The following DGKH variants were observed in gnomAD, a reference collection of about 807,000 sequenced individuals.
The protein encoded by DGKH is DAG kinase eta.
DGKH carries 90 observed loss-of-function variants against 159.3 expected under a neutral mutation model. The ratio of observed to expected loss-of-function variants is 0.57; its 90% confidence interval spans 0.48 to 0.67. The LOEUF (loss-of-function observed/expected upper bound fraction) is 0.67. DGKH is among the 30% of genes least tolerant of loss of function. DGKH has a pLI of 0.00. For synonymous variants in DGKH, 536 were observed against 553.8 expected, an observed-to-expected ratio of 0.97 and a Z score of 0.45; for missense variants, 1,181 against 1,506.1, an observed-to-expected ratio of 0.78 and a Z score of 3.57.
chr13:42,155,543 A>G, intron 4 of DGKH, 124 bp from the exon 5 acceptor site: 2 of 1,547,128 alleles, frequency 1.3e-6, no homozygotes, highest in Non-Finnish European at 1.8e-6. Flanking sequence ...CTTAAAGCAA[A>G]GTGCTTTGGT....
At chr13:42,160,524 C>G (rs1417382342) in intron 7 of DGKH, among the ~76,000 whole-genome samples, 4 of 152,186 alleles carry the variant, frequency 2.6e-5, no homozygotes, top group African/African-American at 9.7e-5. Context: ...TACCAGTGCT[C>G]TCTGACAGAG....
At chr13:42,216,419 TTGA>T (rs1027894101) in intron 26 of DGKH, among the ~76,000 whole-genome samples, 7 of 152,236 alleles carry the variant, frequency 4.6e-5, no homozygotes, top group Non-Finnish European at 1.0e-4. Flanking sequence ...TAATTGGTAG[TTGA>T]TGATCTTAAA....
intron 28 of DGKH, among the ~76,000 whole-genome samples, chr13:42,220,425 G>T (rs967514947): frequency 6.6e-6 from 1 of 152,128 alleles, no homozygotes; most frequent in Non-Finnish European, 1.5e-5. Context: ...TAAATGTACA[G>T]GTATGCTAGT....
intron 3 of DGKH, among the ~76,000 whole-genome samples, chr13:42,149,048 G>T (rs796663481): frequency 2.3e-4 from 34 of 149,288 alleles, no homozygotes; most frequent in African/African-American, 8.1e-4. Context: ...GGGCTCAGGT[G>T]ATCCTCCTGC....
chr13:42,249,366 A>G (rs927316524), intron 29 of DGKH, among the ~76,000 whole-genome samples: 1 of 152,192 alleles, frequency 6.6e-6, no homozygotes, highest in Admixed American at 6.5e-5. Context: ...AGCCAAGATC[A>G]TGCCACTGCA....
intron 29 of DGKH, among the ~76,000 whole-genome samples, chr13:42,227,944 C>A (rs932368924): frequency 7.9e-5 from 12 of 152,066 alleles, no homozygotes; most frequent in Admixed American, 2.6e-4. Flanking sequence ...TATTTTATAA[C>A]CCTGTTTTTT....
At chr13:42,177,041 TA>T (rs1044098653) in intron 12 of DGKH, among the ~76,000 whole-genome samples, 4 of 152,216 alleles carry the variant, frequency 2.6e-5, no homozygotes, top group African/African-American at 9.6e-5. Flanking sequence ...TCAGCATTTT[TA>T]AAAACTTTTT....
intron 3 of DGKH, among the ~76,000 whole-genome samples, chr13:42,139,975 A>G (rs561711810): frequency 6.8e-4 from 104 of 152,324 alleles, no homozygotes; most frequent in African/African-American, 2.4e-3. Context: ...CCCAGGTTAT[A>G]GGAAGGAGGG....
chr13:42,166,239 C>G (rs1388956238), intron 8 of DGKH, among the ~76,000 whole-genome samples: 1 of 152,090 alleles, frequency 6.6e-6, no homozygotes, highest in Non-Finnish European at 1.5e-5. Flanking sequence ...TCTCCCCCAA[C>G]CTAAGCCCTG....
intron 1 of DGKH, among the ~76,000 whole-genome samples, chr13:42,083,561 G>A (rs1188640827): frequency 6.6e-6 from 1 of 152,312 alleles, no homozygotes; most frequent in Non-Finnish European, 1.5e-5. Flanking sequence ...CGCTGTAGGC[G>A]TGGAAGTACC....
chr13:42,215,158 G>GT (rs201405435), intron 25 of DGKH, among the ~76,000 whole-genome samples: 39,608 of 147,284 alleles, frequency 0.27, 5,286 homozygotes, highest in African/African-American at 0.29. Context: ...AACTGATAGC[G>GT]TTTTTTTTTT....
At chr13:42,114,650 C>T (rs749877956) in intron 1 of DGKH, among the ~76,000 whole-genome samples, 7 of 152,090 alleles carry the variant, frequency 4.6e-5, no homozygotes, top group Non-Finnish European at 1.0e-4. Flanking sequence ...AAGATAAGAT[C>T]GGTGTTCTAA....
At chr13:42,083,158 G>C (rs1315062376) in intron 1 of DGKH, among the ~76,000 whole-genome samples, 2 of 152,238 alleles carry the variant, frequency 1.3e-5, no homozygotes, top group Non-Finnish European at 2.9e-5. Flanking sequence ...GATGTTTAAA[G>C]ATGACACTGT....
At chr13:42,135,104 A>G (rs1475031505) in intron 3 of DGKH, among the ~76,000 whole-genome samples, 1 of 152,190 alleles carries the variant, frequency 6.6e-6, no homozygotes, top group Admixed American at 6.5e-5. Flanking sequence ...AAAACTTACT[A>G]ACAATGAAAG....
chr13:42,193,845 A>T (rs1957143166), intron 16 of DGKH, among the ~76,000 whole-genome samples: 1 of 152,172 alleles, frequency 6.6e-6, no homozygotes, highest in Non-Finnish European at 1.5e-5. Flanking sequence ...TAAGTTTTAG[A>T]GTATTTTAAA....
chr13:42,218,194 A>G (rs1396506863), intron 26 of DGKH, among the ~76,000 whole-genome samples: 1 of 152,226 alleles, frequency 6.6e-6, no homozygotes, highest in Non-Finnish European at 1.5e-5. Context: ...AGGAATGTTT[A>G]TTTAATCTTT....
chr13:42,040,749 G>A (rs1227875953), intron 1 of DGKH, among the ~76,000 whole-genome samples: 2 of 149,298 alleles, frequency 1.3e-5, no homozygotes. Flanking sequence ...GCCCCGGGCG[G>A]GGAGCCGGGG....
chr13:42,053,469 T>C (rs1881486286), intron 1 of DGKH, among the ~76,000 whole-genome samples: 1 of 147,182 alleles, frequency 6.8e-6, no homozygotes, highest in Non-Finnish European at 1.5e-5. Flanking sequence ...TATATATAAC[T>C]ATATGTATAA....
At chr13:42,181,211 A>C (rs1008384169) in intron 13 of DGKH, among the ~76,000 whole-genome samples, 3 of 137,160 alleles carry the variant, frequency 2.2e-5, no homozygotes, top group African/African-American at 7.8e-5. Flanking sequence ...CGGGAGGCGG[A>C]GCTTGCAGTG....
Sources: gnomAD v4.1 joint callset for allele counts (sites outside exome capture counted in the v4.1 genomes callset) on GRCh38, gnomAD v4.1.1 for gene constraint, MANE v1.5 for transcripts, NCBI Gene and HGNC (gene_info 2026-07-23, HGNC 2026-07-21) for gene names.